Variants in GPC5 observed in about 807,000 individuals in gnomAD.
GPC5 encodes glypican-5.
GPC5 carries 47 observed loss-of-function variants against 53.9 expected under a neutral mutation model. The ratio of observed to expected loss-of-function variants is 0.87; its 90% confidence interval spans 0.69 to 1.11. The LOEUF (loss-of-function observed/expected upper bound fraction) is 1.11. Among genes scored for constraint, GPC5 ranks in the 50% most tolerant of loss-of-function variants. The pLI is 0.00. For missense variants in GPC5, 748 were observed against 713.1 expected, an observed-to-expected ratio of 1.05 and a Z score of -0.56; for synonymous variants, 286 against 263.3, an observed-to-expected ratio of 1.09 and a Z score of -0.84.
intron 7 of GPC5, among the ~76,000 whole-genome samples, chr13:92,419,828 A>C (rs950631152): frequency 6.6e-6 from 1 of 152,084 alleles, no homozygotes; most frequent in Non-Finnish European, 1.5e-5. Flanking sequence ...TCTTATTCCT[A>C]TATTTTTGGG....
chr13:92,102,848 T>G (rs923551127), intron 6 of GPC5, among the ~76,000 whole-genome samples: 3 of 152,094 alleles, frequency 2.0e-5, no homozygotes, highest in Admixed American at 1.3e-4. Flanking sequence ...GGTGTACAGG[T>G]TTGTTGATGA....
chr13:92,587,257 AACT>A (rs1883566950), intron 7 of GPC5, among the ~76,000 whole-genome samples: 1 of 152,222 alleles, frequency 6.6e-6, no homozygotes, highest in African/African-American at 2.4e-5. Context: ...GAAAGTTAAT[AACT>A]ACTTACATTT....
At chr13:92,821,227 A>G (rs1877661747) in intron 7 of GPC5, among the ~76,000 whole-genome samples, 1 of 152,200 alleles carries the variant, frequency 6.6e-6, no homozygotes, top group African/African-American at 2.4e-5. Context: ...TGAACAAAAG[A>G]AAACTATTAA....
intron 3 of GPC5, among the ~76,000 whole-genome samples, chr13:91,708,003 A>G (rs2036144139): frequency 6.6e-6 from 1 of 152,192 alleles, no homozygotes; most frequent in Non-Finnish European, 1.5e-5. Context: ...GTTACATGCC[A>G]CAATATTATT....
intron 6 of GPC5, among the ~76,000 whole-genome samples, chr13:92,129,777 G>C (rs1855922260): frequency 6.6e-6 from 1 of 152,070 alleles, no homozygotes; most frequent in Non-Finnish European, 1.5e-5. Flanking sequence ...TTGATCTGTA[G>C]AAATAATCTC....
intron 7 of GPC5, among the ~76,000 whole-genome samples, chr13:92,284,622 C>T (rs1407140539): frequency 6.6e-6 from 1 of 152,120 alleles, no homozygotes; most frequent in Non-Finnish European, 1.5e-5. Context: ...AGCATATAAA[C>T]AGAACCAAAG....
At chr13:92,331,638 T>G (rs2043288522) in intron 7 of GPC5, among the ~76,000 whole-genome samples, 1 of 151,844 alleles carries the variant, frequency 6.6e-6, no homozygotes, top group Admixed American at 6.6e-5. Flanking sequence ...TTTACTCAAC[T>G]TGAGATAAAA....
At chr13:91,479,988 G>A (rs1285171567) in intron 2 of GPC5, among the ~76,000 whole-genome samples, 2 of 152,144 alleles carry the variant, frequency 1.3e-5, no homozygotes, top group African/African-American at 4.8e-5. Flanking sequence ...AATAAGTATA[G>A]TTTTTATGCT....
chr13:92,059,497 A>G (rs1383161871), intron 6 of GPC5, among the ~76,000 whole-genome samples: 1 of 152,024 alleles, frequency 6.6e-6, no homozygotes, highest in Non-Finnish European at 1.5e-5. Flanking sequence ...CCTATACCCT[A>G]GAATTATTTT....
At chr13:91,732,147 C>T (rs1441857181) in intron 4 of GPC5, among the ~76,000 whole-genome samples, 1 of 152,196 alleles carries the variant, frequency 6.6e-6, no homozygotes, top group African/African-American at 2.4e-5. Context: ...TATGCTTTCA[C>T]CAACTGTGTA....
At chr13:92,254,467 C>G (rs1039673053) in intron 7 of GPC5, among the ~76,000 whole-genome samples, 3 of 151,960 alleles carry the variant, frequency 2.0e-5, no homozygotes, top group Non-Finnish European at 4.4e-5. Flanking sequence ...ACAACTTGTA[C>G]CAGAAAAATA....
intron 1 of GPC5, among the ~76,000 whole-genome samples, chr13:91,408,121 A>G (rs558790406): frequency 6.6e-6 from 1 of 152,272 alleles, no homozygotes; most frequent in Non-Finnish European, 1.5e-5. Context: ...TATTAACTGT[A>G]GTCACCATGC....
rs546647363 is a variant in GPC5, at chr13:92,637,188, A to C, written c.1562-229094A>C. ...TTCCTGACAAAAATGATTTTTCTGA[A>C]GAGAAATCTGATCATTAAATTTAGC... On this transcript the variant is annotated intron_variant, in intron 7 of 7. Coordinates refer to ENST00000377067, the MANE Select transcript of GPC5 (RefSeq NM_004466.6). Among the ~76,000 whole-genome samples the C allele has an allele frequency of 2.6e-5, 4 of 152,290 alleles. No individual in the cohort carries two copies. The South Asian group carries it at 6.2e-4, about 24-fold the overall frequency.
At chr13:92,014,200 A>G (rs563618574) in intron 6 of GPC5, among the ~76,000 whole-genome samples, 3 of 152,218 alleles carry the variant, frequency 2.0e-5, no homozygotes, top group Non-Finnish European at 4.4e-5. Context: ...GCATAAGCCC[A>G]TGATGTAATG....
At chr13:92,145,129 G>A in intron 7 of GPC5, 140 bp downstream of exon 7, 1 of 717,064 alleles carries the variant, frequency 1.4e-6, no homozygotes, top group South Asian at 6.3e-5. Context: ...TCTATTTTTG[G>A]TTTTTTAGGA....
intron 7 of GPC5, among the ~76,000 whole-genome samples, chr13:92,562,316 G>C (rs2139030599): frequency 6.6e-6 from 1 of 152,084 alleles, no homozygotes; most frequent in South Asian, 2.1e-4. Context: ...GTCGGCTCTT[G>C]CCAAGAAGTC....
intron 6 of GPC5, among the ~76,000 whole-genome samples, chr13:91,928,743 T>C (rs1482021565): frequency 6.6e-6 from 1 of 152,120 alleles, no homozygotes; most frequent in East Asian, 1.9e-4. Flanking sequence ...CCCATTCTCC[T>C]GTATTAAGAC....
intron 6 of GPC5, among the ~76,000 whole-genome samples, chr13:92,139,263 A>G (rs1255369656): frequency 1.3e-5 from 2 of 152,222 alleles, no homozygotes; most frequent in East Asian, 1.9e-4. Flanking sequence ...TTTTTATCCC[A>G]ATTTTATTTT....
intron 7 of GPC5, among the ~76,000 whole-genome samples, chr13:92,724,289 TA>T (rs1297113444): frequency 1.3e-5 from 2 of 151,502 alleles, no homozygotes; most frequent in African/African-American, 2.4e-5. Flanking sequence ...AATAAATAAG[TA>T]AAAAAACTCT....
Sources: gnomAD v4.1 joint callset for allele counts (sites outside exome capture counted in the v4.1 genomes callset) on GRCh38, gnomAD v4.1.1 for gene constraint, MANE v1.5 for transcripts, NCBI Gene and HGNC (gene_info 2026-07-23, HGNC 2026-07-21) for gene names.